Variants in ALS2CL observed in about 807,000 individuals in gnomAD.
ALS2CL encodes ALS2 C-terminal-like protein.
A neutral mutation model predicts 127.9 loss-of-function variants in ALS2CL; 112 were observed. That is an observed-to-expected ratio of 0.88 (90% CI 0.75 to 1.02). ALS2CL has a LOEUF of 1.02. Among genes scored for constraint, ALS2CL ranks in the 50% least tolerant of loss-of-function variants. The pLI is 0.00. For missense variants in ALS2CL, 1,174 were observed against 1,236.7 expected (o/e 0.95, Z 0.76); for synonymous variants, 519 against 527.6 (o/e 0.98, Z 0.22).
At chr3:46,693,078 C>A (rs373105125) in intron 1 of ALS2CL, among the ~76,000 whole-genome samples, 1 of 152,128 alleles carries the variant, frequency 6.6e-6, no homozygotes. Context: ...ACACCTGATC[C>A]CTCAGTCTCA....
chr3:46,682,368 A>AC (rs1699422767), intron 10 of ALS2CL, among the ~76,000 whole-genome samples: 1 of 152,114 alleles, frequency 6.6e-6, no homozygotes, highest in Non-Finnish European at 1.5e-5. Flanking sequence ...TTTTCCCTTG[A>AC]CCAACAGGAA....
At chr3:46,674,907 C>T (rs1401232120) in intron 20 of ALS2CL, 168 bp from the exon 21 acceptor site, 2 of 591,342 alleles carry the variant, frequency 3.4e-6, no homozygotes, top group Non-Finnish European at 5.6e-6. Context: ...ATCATTTGCC[C>T]AATTCAATTC....
rs1326382680 is a variant in ALS2CL at position 46,683,252 on chromosome 3, C to T, written c.987G>A (p.Gly329=). The change falls in exon 10 of 26, where the codon GGG becomes GGA. Residue 329 remains glycine, a synonymous_variant. Transcript: ENST00000318962. ...LHGKKDFPVL[G]AGLEPSQPPD... is the part of the protein sequence containing the mutation. ...GAGGCTGGGAGGGCTCCAGGCCAGC[C>T]CCCAGCACGGGGAAGTCCTTCTTCC... 16 of 1,610,802 alleles carry T rather than the reference C, an allele frequency of 9.9e-6. No homozygotes were observed. In the Admixed American group the frequency reaches 2.5e-4, roughly 25 times the overall value.
Position 46,678,291 on chromosome 3 carries a change from G to A in ALS2CL, c.1725C>T (p.Ala575=), listed in dbSNP as rs201451737. 2 of 1,605,578 alleles carry A rather than the reference G, an allele frequency of 1.2e-6. No individual in the cohort carries two copies. Among genetic ancestry groups the A allele is most frequent in the Non-Finnish European group, 1.7e-6 (2 of 1,173,752 alleles). Residue 575 remains alanine (A), a synonymous_variant, in exon 16 of 26, where the codon GCC becomes GCT. Coordinates refer to ENST00000318962, the MANE Select transcript of ALS2CL (RefSeq NM_147129.5). ...LHTQGVLDTA[A]LPPDPSSTCK... The stretch of plus-strand genomic sequence containing the variant: ...AGGTACTGCTCGGGTCTGGTGGGAG[G>A]GCAGCCGTGTCCAGCACACCCTGTG...
At chr3:46,685,390 A>G in intron 7 of ALS2CL, 135 bp downstream of exon 7, 3 of 1,427,242 alleles carry the variant, frequency 2.1e-6, no homozygotes, top group East Asian at 2.4e-5. Context: ...CCCCAACACA[A>G]CGCCTTTCTA....
chr3:46,685,654 C>T lies in ALS2CL; in HGVS notation c.667-10G>A, dbSNP rs767469185. 3 of 1,612,514 alleles carry T rather than the reference C, an allele frequency of 1.9e-6. No individual in the cohort carries two copies. Among genetic ancestry groups the T allele is most frequent in the African/African-American group, 2.7e-5 (2 of 74,870 alleles). Reference sequence around the variant, plus strand: ...GGGTGCAGAGCACATCCTGGTGGGGCAAAGAGGACAGTACAAGGCTTAGGC... The same window carrying T: ...GGGTGCAGAGCACATCCTGGTGGGGTAAAGAGGACAGTACAAGGCTTAGGC... On this transcript the variant is annotated splice_polypyrimidine_tract_variant and intron_variant, in intron 6 of 25. Transcript: ENST00000318962.
intron 19 of ALS2CL, 98 bp downstream of exon 19, chr3:46,676,147 C>A: frequency 6.7e-7 from 1 of 1,503,694 alleles, no homozygotes; most frequent in Non-Finnish European, 8.9e-7. Context: ...TTGAATCAGA[C>A]ACTTGGCATT....
rs772916714 is a variant in ALS2CL, at chr3:46,674,602, G to A, written c.2393C>T (p.Pro798Leu). The change falls in exon 21 of 26, where the codon CCT (proline) becomes CTT (leucine). Residue 798 changes from proline (P) to leucine (L), a missense_variant. Physicochemically the swap from Pro to Leu is moderately conservative, Grantham distance 98 (BLOSUM62 -3). Coordinates refer to ENST00000318962, the MANE Select transcript of ALS2CL (RefSeq NM_147129.5). ...SQGIANLSLFPDTQLLEFLDV... is the reference protein window; with the variant it reads ...SQGIANLSLFLDTQLLEFLDV... ...CAGGAACTCGAGCAGTTGGGTATCA[G>A]GAAAGAGGCTCAAGTTGGCAATGCC... is the stretch of plus-strand genomic sequence containing the variant. 6.2e-7 allele frequency: 1 copy of A among 1,614,032 alleles called. No homozygotes were observed. The highest frequency in any genetic ancestry group is 1.7e-5 in the Admixed American group (1 of 60,004).
chr3:46,679,115 C>T, intron 15 of ALS2CL, 95 bp downstream of exon 15: 2 of 1,314,212 alleles, frequency 1.5e-6, no homozygotes, highest in Non-Finnish European at 2.1e-6. Flanking sequence ...ACAGGCCCTC[C>T]CCTACCTGCC....
intron 14 of ALS2CL, chr3:46,680,207 T>C (rs966425104): frequency 1.8e-6 from 1 of 561,736 alleles, no homozygotes; most frequent in Non-Finnish European, 3.2e-6. Flanking sequence ...ATTCTTAACC[T>C]GAGTTGCTGA....
rs937726464 is a variant in ALS2CL, at chr3:46,679,148, G to A, written c.1626+62C>T. On this transcript the variant is annotated intron_variant, in intron 15 of 25. Transcript: ENST00000318962. ...GCCCCCAGCCCTGAGTCTAAGTGGG[G>A]AGATTACAGACACCAACCAAGGCCT... The A allele has an allele frequency of 1.1e-5, 16 of 1,485,080 alleles. No homozygotes were observed. In the African/African-American group the frequency reaches 1.3e-4, roughly 12 times the overall value. 92.0% of individuals were successfully genotyped at this position (1,485,080 alleles called of 1,614,324 possible).
At chr3:46,674,162 T>G (rs895929790) in intron 21 of ALS2CL, among the ~76,000 whole-genome samples, 10 of 152,154 alleles carry the variant, frequency 6.6e-5, no homozygotes, top group African/African-American at 2.4e-4. Context: ...CAGTGGATAT[T>G]CAGGCAGGCC....
Position 46,679,560 on chromosome 3 carries a change from G to A in ALS2CL, c.1549-273C>T, listed in dbSNP as rs900490266. The A allele has an allele frequency of 5.7e-4, 142 of 249,950 alleles. 2 individuals are homozygous for A. Among genetic ancestry groups the A allele is most frequent in the Non-Finnish European group, 1.5e-4 (20 of 131,064 alleles). The allele number at this position is 249,950 out of a possible 1,614,324, so 15.5% of individuals were successfully genotyped here. A position where few individuals can be genotyped will look rare whatever the true frequency, so the allele number is the denominator to read the frequency against. On this transcript the variant is annotated intron_variant, in intron 14 of 25. Coordinates refer to ENST00000318962, the MANE Select transcript of ALS2CL (RefSeq NM_147129.5). ...CAGCGGCTTCTTCAGGAAGCCCTTGGGAGCTCAAGAAATGTGGGGCTTTCT... is the reference window on the plus strand; with the variant it reads ...CAGCGGCTTCTTCAGGAAGCCCTTGAGAGCTCAAGAAATGTGGGGCTTTCT...
At position 46,676,923 on chromosome 3, in the gene ALS2CL, C is replaced by T. The variant is rs1435249282; in HGVS notation, c.1857G>A (p.Gln619=). ...FVCAGCPRDL[Q]EALLGFDVQS... ...GCACGTCGAAGCCCAGCAGGGCCTC[C>T]TGCAGGTCCCTGGGGCAGCCAGCAC... is the stretch of plus-strand genomic sequence containing the variant. Residue 619 remains glutamine, a synonymous_variant, in exon 17 of 26, where the codon CAG becomes CAA. Coordinates refer to ENST00000318962, the MANE Select transcript of ALS2CL (RefSeq NM_147129.5). 2 of 1,613,606 alleles carry T rather than the reference C, an allele frequency of 1.2e-6. No homozygotes were observed. The highest frequency in any genetic ancestry group is 4.5e-5 in the East Asian group (2 of 44,886).
chr3:46,680,086 T>G, intron 14 of ALS2CL: 1 of 268,936 alleles, frequency 3.7e-6, no homozygotes, highest in Non-Finnish European at 7.4e-6. Flanking sequence ...AAGATCAGGG[T>G]GGGAGCTTAG....
At chr3:46,688,595 C>T (rs185721279) in intron 2 of ALS2CL, among the ~76,000 whole-genome samples, 1 of 152,270 alleles carries the variant, frequency 6.6e-6, no homozygotes, top group Non-Finnish European at 1.5e-5. Context: ...TACACGAATT[C>T]CCCCCTGGCT....
chr3:46,681,900 G>A lies in ALS2CL; in HGVS notation c.1175+129C>T, dbSNP rs771444328. On this transcript the variant is annotated intron_variant, in intron 11 of 25. Transcript: ENST00000318962. The surrounding 1 kb of genome is among the most constrained non-coding windows in gnomAD (Gnocchi z 4.9). The stretch of plus-strand genomic sequence containing the variant: ...TGGTACAGTGGGCGGGGGCTGGACC[G>A]GATTGTCTCTAAGTTCCTGCTTGAG... The A allele has an allele frequency of 1.0e-4, 120 of 1,202,834 alleles. No homozygotes were observed. Among genetic ancestry groups the A allele is most frequent in the Non-Finnish European group, 1.3e-4 (111 of 845,024 alleles). The allele number at this position is 1,202,834 out of a possible 1,614,324, so 74.5% of individuals were successfully genotyped here. A position where few individuals can be genotyped will look rare whatever the true frequency, so the allele number is the denominator to read the frequency against.
Position 46,672,033 on chromosome 3 carries a change from C to A in ALS2CL, c.2535G>T (p.Met845Ile). 1 of 1,613,942 alleles carries A rather than the reference C, an allele frequency of 6.2e-7. No homozygotes were observed. The highest frequency in any genetic ancestry group is 8.5e-7 in the Non-Finnish European group (1 of 1,180,020). The change falls in exon 24 of 26, where the codon ATG (methionine) becomes ATT (isoleucine). Residue 845 changes from methionine to isoleucine, a missense_variant and splice_region_variant. Met to Ile is a conservative substitution (Grantham distance 10). Coordinates refer to ENST00000318962, the MANE Select transcript of ALS2CL (RefSeq NM_147129.5). Reference protein sequence around the residue: ...LSATECLQKIMTTVDPREKLE... With the variant: ...LSATECLQKIITTVDPREKLE... Reference sequence around the variant, plus strand: ...GCTTCTCCCGTGGGTCCACCGTGGTCCTGCAGCAGGGTAGCTGGCTCCAGG... The same window carrying A: ...GCTTCTCCCGTGGGTCCACCGTGGTACTGCAGCAGGGTAGCTGGCTCCAGG...
Position 46,670,931 on chromosome 3 carries a change from G to A in ALS2CL, c.*53C>T, listed in dbSNP as rs1698329775. On this transcript the variant is annotated 3_prime_UTR_variant, in exon 26 of 26. Coordinates refer to ENST00000318962, the MANE Select transcript of ALS2CL (RefSeq NM_147129.5). The surrounding 1 kb of genome is among the most constrained non-coding windows in gnomAD (Gnocchi z 5.5). Reference sequence around the variant, plus strand: ...CTGCCCCTTGCCTTGGGTAATGAGGGACAGGCTGGCAGTGCCCTGCTCAGC... The same window carrying A: ...CTGCCCCTTGCCTTGGGTAATGAGGAACAGGCTGGCAGTGCCCTGCTCAGC... The A allele has an allele frequency of 6.4e-7, 1 of 1,556,734 alleles. No homozygotes were observed. The highest frequency in any genetic ancestry group is 8.9e-7 in the Non-Finnish European group (1 of 1,128,644).
Sources: allele counts gnomAD v4.1 joint callset (sites outside exome capture counted in the v4.1 genomes callset), GRCh38; gene constraint gnomAD v4.1.1; non-coding constraint Gnocchi (gnomAD v3.1); transcripts MANE v1.5; gene names NCBI Gene and HGNC (gene_info 2026-07-23, HGNC 2026-07-21).